The following NBAS variants were observed in gnomAD, a reference collection of about 807,000 sequenced individuals.
The protein encoded by NBAS is NBAS subunit of NRZ tethering complex, also known as NAG/BC035112 fusion.
Under a neutral mutation model 302.5 loss-of-function variants are expected in NBAS, and 219 were observed. The observed-to-expected ratio is 0.72, with a 90% CI of 0.65 to 0.81. NBAS has a LOEUF of 0.81. Ranked by LOEUF, NBAS falls within the 30% of genes least tolerant of loss-of-function variation. The probability of loss-of-function intolerance (pLI) is 0.00; values close to 1 mark genes in which losing one functional copy is unlikely to be tolerated. For missense variants in NBAS, 2,932 were observed against 2,841.6 expected (o/e 1.03, Z -0.72); for synonymous variants, 1,118 against 1,021.6 (o/e 1.09, Z -1.80).
At chr2:14,876,060 T>C in the NBAS span, among the ~76,000 whole-genome samples, 38 of 152,222 alleles carry the variant, frequency 2.5e-4, no homozygotes, top group African/African-American at 8.7e-4. Context: ...TTTTGCATCC[T>C]GTAGGCCTTT....
intron 1 of NBAS, among the ~76,000 whole-genome samples, chr2:15,559,061 T>TCAAAAA (rs1664785427): frequency 8.3e-5 from 1 of 12,074 alleles, no homozygotes; most frequent in Non-Finnish European, 2.7e-4. Context: ...AGACCCTGCC[T>TCAAAAA]CAAAAAAAAA....
chr2:15,311,393 T>C (rs189024758), intron 38 of NBAS, among the ~76,000 whole-genome samples: 7 of 152,324 alleles, frequency 4.6e-5, no homozygotes, highest in African/African-American at 1.2e-4. Context: ...AAGTACCCAG[T>C]AGGTTCCCTC....
At chr2:14,839,634 T>G in the NBAS span, among the ~76,000 whole-genome samples, 1 of 152,018 alleles carries the variant, frequency 6.6e-6, no homozygotes, top group Non-Finnish European at 1.5e-5. Context: ...ATCCCCCTTT[T>G]GAATCTCCCC....
At chr2:15,009,693 C>CATATATATATATATATAAT in the NBAS span, among the ~76,000 whole-genome samples, 2 of 126,548 alleles carry the variant, frequency 1.6e-5, no homozygotes, top group Admixed American at 7.9e-5. Context: ...TGTAGGAATG[C>CATATATATATATATATAAT]ATATATATAT....
At chr2:15,342,046 G>T (rs1415964741) in intron 35 of NBAS, among the ~76,000 whole-genome samples, 1 of 151,912 alleles carries the variant, frequency 6.6e-6, no homozygotes, top group Non-Finnish European at 1.5e-5. Context: ...TGATGTGCTG[G>T]TATCAACAGT....
At chr2:15,148,341 T>C in the NBAS span, among the ~76,000 whole-genome samples, 3 of 152,104 alleles carry the variant, frequency 2.0e-5, no homozygotes, top group Non-Finnish European at 2.9e-5. Flanking sequence ...TTATCAGTGG[T>C]CACTGTGGTT....
chr2:15,330,559 C>A (rs749550656), intron 36 of NBAS, 39 bp downstream of exon 36: 5 of 1,610,794 alleles, frequency 3.1e-6, no homozygotes, highest in Non-Finnish European at 4.2e-6. Flanking sequence ...TTTATATAAA[C>A]CATGCAGTTG....
chr2:15,251,300 C>T (rs1572528302), intron 44 of NBAS, among the ~76,000 whole-genome samples: 4 of 152,124 alleles, frequency 2.6e-5, no homozygotes, highest in Admixed American at 1.3e-4. Context: ...CACACCAGGG[C>T]CTGTCGGCGG....
intron 21 of NBAS, among the ~76,000 whole-genome samples, chr2:15,428,312 TA>T (rs1212313606): frequency 6.6e-6 from 1 of 152,248 alleles, no homozygotes; most frequent in African/African-American, 2.4e-5. Flanking sequence ...TTAATTAAGT[TA>T]AATTTAAATA....
chr2:15,417,760 A>T (rs1677018067), intron 23 of NBAS, 48 bp from the exon 24 acceptor site: 1 of 1,554,140 alleles, frequency 6.4e-7, no homozygotes, highest in Non-Finnish European at 8.8e-7. Context: ...TATATTTCTC[A>T]TCTATTCTAA....
chr2:15,221,094 G>A (rs1470281117), intron 47 of NBAS, among the ~76,000 whole-genome samples: 1 of 152,096 alleles, frequency 6.6e-6, no homozygotes, highest in African/African-American at 2.4e-5. Context: ...TATCAGAAAT[G>A]GAAACAATTA....
the NBAS span, among the ~76,000 whole-genome samples, chr2:14,977,198 C>G: frequency 3.9e-3 from 595 of 151,948 alleles, 1 homozygote; most frequent in Middle Eastern, 0.027. Flanking sequence ...TGCAAAGGAG[C>G]AAGAAAATGT....
the NBAS span, among the ~76,000 whole-genome samples, chr2:14,926,414 C>T: frequency 6.6e-5 from 10 of 152,154 alleles, no homozygotes; most frequent in Admixed American, 5.9e-4. Flanking sequence ...AACACAGTCT[C>T]CACTAACGAT....
chr2:15,040,478 CA>C, the NBAS span, among the ~76,000 whole-genome samples: 2 of 152,160 alleles, frequency 1.3e-5, no homozygotes, highest in Non-Finnish European at 2.9e-5. Flanking sequence ...TCTAAGACAG[CA>C]AACATTCAGG....
the NBAS span, among the ~76,000 whole-genome samples, chr2:15,124,358 A>C: frequency 1.1e-4 from 17 of 152,360 alleles, no homozygotes; most frequent in African/African-American, 2.9e-4. Flanking sequence ...AGGGAGCAAA[A>C]GAATAACTTA....
intron 22 of NBAS, among the ~76,000 whole-genome samples, chr2:15,424,914 G>A (rs1677394503): frequency 2.0e-5 from 3 of 152,054 alleles, no homozygotes; most frequent in Non-Finnish European, 2.9e-5. Flanking sequence ...TGTTTTCGAT[G>A]TTCATAAAAA....
At chr2:15,522,892 AAAGT>A (rs1423632537) in intron 9 of NBAS, among the ~76,000 whole-genome samples, 7 of 152,370 alleles carry the variant, frequency 4.6e-5, no homozygotes, top group African/African-American at 1.2e-4. Flanking sequence ...TTCTTACAGT[AAAGT>A]AAGCTAAAGA....
chr2:15,279,214 T>C (rs1669721546), intron 42 of NBAS, among the ~76,000 whole-genome samples: 1 of 152,200 alleles, frequency 6.6e-6, no homozygotes, highest in African/African-American at 2.4e-5. Context: ...TTTGTATTTA[T>C]CATGCTGATT....
intron 44 of NBAS, among the ~76,000 whole-genome samples, chr2:15,252,220 C>A (rs1034090641): frequency 5.9e-5 from 9 of 152,152 alleles, no homozygotes; most frequent in African/African-American, 1.9e-4. Context: ...AACATAGCGC[C>A]GGGCACAGGG....
Sources: allele counts gnomAD v4.1 joint callset (sites outside exome capture counted in the v4.1 genomes callset), GRCh38; gene constraint gnomAD v4.1.1; transcripts MANE v1.5; gene names NCBI Gene and HGNC (gene_info 2026-07-23, HGNC 2026-07-21).